Variants in DIAPH3 observed in about 807,000 individuals in gnomAD.
DIAPH3 encodes diaphanous related formin 3, also known as protein diaphanous homolog 3.
In DIAPH3, 117 loss-of-function variants were observed where a neutral mutation model predicts 144.3. The ratio of observed to expected loss-of-function variants is 0.81; its 90% CI spans 0.70 to 0.95. The LOEUF (loss-of-function observed/expected upper bound fraction) is 0.95. DIAPH3 is among the 40% of genes least tolerant of loss of function. DIAPH3 has a pLI of 0.00. For missense variants in DIAPH3, 1,421 were observed against 1,412.7 expected (o/e 1.01, Z -0.09); for synonymous variants, 519 against 488.9 (o/e 1.06, Z -0.81).
intron 4 of DIAPH3, among the ~76,000 whole-genome samples, chr13:60,084,997 C>A (rs1489753624): frequency 2.2e-4 from 34 of 152,058 alleles, no homozygotes; most frequent in Admixed American, 2.0e-3. Context: ...TTAGGAATAA[C>A]TAAGAAATCA....
chr13:60,138,231 A>C (rs924080353), intron 1 of DIAPH3, among the ~76,000 whole-genome samples: 3 of 152,212 alleles, frequency 2.0e-5, no homozygotes, highest in African/African-American at 7.2e-5. Context: ...CAATATTCTT[A>C]TTCAGTAAGT....
chr13:60,153,927 A>T (rs143171792), intron 1 of DIAPH3, among the ~76,000 whole-genome samples: 17 of 152,072 alleles, frequency 1.1e-4, no homozygotes, highest in Admixed American at 6.6e-5. Flanking sequence ...AAGTTTCATC[A>T]TCCTATTATC....
chr13:59,698,367 G>A (rs2033930505), intron 27 of DIAPH3, among the ~76,000 whole-genome samples: 1 of 152,054 alleles, frequency 6.6e-6, no homozygotes, highest in African/African-American at 2.4e-5. Context: ...TTAAAATGAT[G>A]TCTTTTTAGT....
intron 21 of DIAPH3, among the ~76,000 whole-genome samples, chr13:59,878,642 A>G (rs1426366430): frequency 6.6e-6 from 1 of 152,112 alleles, no homozygotes; most frequent in Non-Finnish European, 1.5e-5. Context: ...AATTCAACCT[A>G]TGAAAGACAC....
At chr13:59,746,125 C>A (rs1295560365) in intron 27 of DIAPH3, among the ~76,000 whole-genome samples, 5 of 152,040 alleles carry the variant, frequency 3.3e-5, no homozygotes, top group Non-Finnish European at 7.4e-5. Context: ...TTGTATATAT[C>A]TTTTATATTC....
At chr13:59,915,607 A>G (rs2047184333) in intron 19 of DIAPH3, among the ~76,000 whole-genome samples, 2 of 152,094 alleles carry the variant, frequency 1.3e-5, no homozygotes, top group Non-Finnish European at 2.9e-5. Flanking sequence ...TAACTTCGAC[A>G]TGATGCTAGT....
chr13:59,969,220 C>T (rs1240595454), intron 17 of DIAPH3, among the ~76,000 whole-genome samples: 2 of 152,066 alleles, frequency 1.3e-5, no homozygotes, highest in African/African-American at 4.8e-5. Context: ...ACAGGTAAAA[C>T]CTATCACAAA....
chr13:59,882,217 T>C (rs1429148923), intron 20 of DIAPH3, among the ~76,000 whole-genome samples: 1 of 152,062 alleles, frequency 6.6e-6, no homozygotes, highest in African/African-American at 2.4e-5. Context: ...GCCTCTTGAG[T>C]GGCTGGGATT....
intron 22 of DIAPH3, among the ~76,000 whole-genome samples, chr13:59,847,433 C>T (rs2042707730): frequency 6.6e-6 from 1 of 152,074 alleles, no homozygotes; most frequent in African/African-American, 2.4e-5. Context: ...AAGAAAGAGC[C>T]AGCCCTGTCC....
chr13:59,826,066 C>T (rs918956660), intron 24 of DIAPH3, among the ~76,000 whole-genome samples: 13 of 152,092 alleles, frequency 8.5e-5, no homozygotes, highest in Admixed American at 5.2e-4. Context: ...AAACCCACAG[C>T]CAATATCATA....
At chr13:59,925,467 T>G (rs1423907724) in intron 17 of DIAPH3, among the ~76,000 whole-genome samples, 2 of 152,222 alleles carry the variant, frequency 1.3e-5, no homozygotes, top group Admixed American at 6.5e-5. Flanking sequence ...ACTATTTTGT[T>G]GAGGATTTCT....
intron 2 of DIAPH3, among the ~76,000 whole-genome samples, chr13:60,123,384 A>T (rs1454983644): frequency 6.6e-6 from 1 of 152,222 alleles, no homozygotes; most frequent in African/African-American, 2.4e-5. Context: ...CAAAACAATG[A>T]ATATACAAGT....
chr13:59,798,827 G>A (rs1566325589), intron 25 of DIAPH3, among the ~76,000 whole-genome samples: 1 of 152,146 alleles, frequency 6.6e-6, no homozygotes, highest in Non-Finnish European at 1.5e-5. Context: ...GGAGGAAGTG[G>A]CGCATATTGG....
rs375739912 is a variant in DIAPH3, at chr13:59,773,257, T to A, written c.3319+932A>T. The stretch of plus-strand genomic sequence containing the variant: ...TATACTTTACCTTCGGCAGTAAGGA[T>A]CCCCACACCTATTAAAAGATAATTA... On this transcript the variant is annotated intron_variant, in intron 27 of 27. Transcript: ENST00000400324. Among the ~76,000 whole-genome samples the A allele has an allele frequency of 3.9e-5, 6 of 152,194 alleles. No homozygotes were observed. In the South Asian group the frequency reaches 6.2e-4, roughly 16 times the overall value.
intron 25 of DIAPH3, among the ~76,000 whole-genome samples, chr13:59,787,445 G>A (rs1447193847): frequency 1.3e-5 from 2 of 152,200 alleles, no homozygotes; most frequent in Non-Finnish European, 2.9e-5. Flanking sequence ...GACAGGTACA[G>A]TGGCTCATGC....
chr13:59,924,277 C>A lies in DIAPH3; in HGVS notation c.2170+498G>T, dbSNP rs543773059. Reference sequence around the variant, plus strand: ...AGTAATTAAATCTAAAATATTTCTACTCAGAACTTTTGAGGAAAGGCTTTG... The same window carrying A: ...AGTAATTAAATCTAAAATATTTCTAATCAGAACTTTTGAGGAAAGGCTTTG... On this transcript the variant is annotated intron_variant, in intron 18 of 27. Transcript: ENST00000400324. Among the ~76,000 whole-genome samples, 7 of 152,230 alleles carry A rather than the reference C, an allele frequency of 4.6e-5. No homozygotes were observed. The East Asian group carries it at 1.4e-3, about 29-fold the overall frequency.
chr13:60,163,832 A>G lies in DIAPH3; in HGVS notation c.-66T>C, dbSNP rs1952419832. On this transcript the variant is annotated 5_prime_UTR_variant, in exon 1 of 28. Transcript: ENST00000400324. ...TCAGCAAGCCGCAAGCTGGAAGCTG[A>G]GGGATCGACAACAGGTTTTACTCCC... The G allele has an allele frequency of 4.8e-5, 73 of 1,528,498 alleles. No individual in the cohort carries two copies. Among genetic ancestry groups the G allele is most frequent in the Non-Finnish European group, 6.3e-5 (72 of 1,141,346 alleles). The allele number at this position is 1,528,498 out of a possible 1,614,324, so 94.7% of individuals were successfully genotyped here.
Position 59,991,126 on chromosome 13 carries a change from AAAGAAAACATTAGAAT to A in DIAPH3, c.1361+16_1361+31del, listed in dbSNP as rs1307263066. On this transcript the variant is annotated intron_variant, in intron 12 of 27. Transcript: ENST00000400324. ...CACAATTAATAGATTTTTATTAGTG[AAAGAAAACATTAGAAT>A]ACAACTTCCTCTTACCTTATAAAAT... The A allele has an allele frequency of 7.3e-7, 1 of 1,375,156 alleles. No individual in the cohort carries two copies. The highest frequency in any genetic ancestry group is 1.8e-5 in the Admixed American group (1 of 56,576). The allele number at this position is 1,375,156 out of a possible 1,614,324, so 85.2% of individuals were successfully genotyped here. A position where few individuals can be genotyped will look rare whatever the true frequency, so the allele number is the denominator to read the frequency against.
intron 12 of DIAPH3, among the ~76,000 whole-genome samples, chr13:59,988,640 T>C (rs1315420364): frequency 2.0e-5 from 3 of 151,854 alleles, no homozygotes; most frequent in Non-Finnish European, 4.4e-5. Context: ...AGTAAATGTG[T>C]CTGAGGAATA....
Sources: gnomAD v4.1 joint callset for allele counts (sites outside exome capture counted in the v4.1 genomes callset) on GRCh38, gnomAD v4.1.1 for gene constraint, MANE v1.5 for transcripts, NCBI Gene and HGNC (gene_info 2026-07-23, HGNC 2026-07-21) for gene names.